Variants in CREBBP observed in about 807,000 individuals in gnomAD.
CREBBP encodes CREB-binding protein.
In CREBBP, 19 loss-of-function variants were observed where a neutral mutation model predicts 265.0. The observed-to-expected ratio is 0.07, with a 90% CI of 0.05 to 0.11. The LOEUF (loss-of-function observed/expected upper bound fraction) is 0.11, where lower values mean the gene tolerates loss of function less well. CREBBP is among the 10% of genes least tolerant of loss of function. The pLI, the probability that CREBBP is intolerant of heterozygous loss-of-function variation, is 1.00. For missense variants in CREBBP, 2,525 were observed against 3,219.0 expected (o/e 0.78, Z 5.22); for synonymous variants, 1,457 against 1,223.7 (o/e 1.19, Z -3.98).
chr16:3,876,376 G>A (rs2055400302), intron 1 of CREBBP, among the ~76,000 whole-genome samples: 2 of 72,144 alleles, frequency 2.8e-5, no homozygotes, highest in South Asian at 5.1e-4. Flanking sequence ...TCTGTTGTGT[G>A]CAAATTTTGC....
chr16:3,861,317 C>T (rs1252211093), intron 1 of CREBBP, among the ~76,000 whole-genome samples: 4 of 152,180 alleles, frequency 2.6e-5, no homozygotes, highest in African/African-American at 9.6e-5. Context: ...GCACCTGCTT[C>T]GCAGGATCGT....
chr16:3,850,178 G>A, intron 2 of CREBBP, 119 bp downstream of exon 2: 2 of 917,164 alleles, frequency 2.2e-6, no homozygotes, highest in South Asian at 1.3e-5. Context: ...AGCATGAGTG[G>A]CACGTGGAGA....
chr16:3,749,536 A>G (rs745817054), intron 21 of CREBBP, 91 bp downstream of exon 21: 50 of 823,976 alleles, frequency 6.1e-5, no homozygotes, highest in Middle Eastern at 4.5e-4. Flanking sequence ...ACATATTTCC[A>G]ATGTTTTTAC....
At chr16:3,783,958 C>T (rs1409332825) in intron 5 of CREBBP, among the ~76,000 whole-genome samples, 1 of 152,232 alleles carries the variant, frequency 6.6e-6, no homozygotes, top group Non-Finnish European at 1.5e-5. Context: ...GCCCCCTCAT[C>T]TGTCGCAACA....
At chr16:3,775,060 G>C (rs2053104773) in intron 11 of CREBBP, among the ~76,000 whole-genome samples, 1 of 152,120 alleles carries the variant, frequency 6.6e-6, no homozygotes, top group Non-Finnish European at 1.5e-5. Context: ...GAGGTGCCCT[G>C]AAAGGACAGC....
intron 5 of CREBBP, among the ~76,000 whole-genome samples, chr16:3,785,781 C>CT (rs889229821): frequency 6.6e-6 from 1 of 152,184 alleles, no homozygotes; most frequent in Non-Finnish European, 1.5e-5. Context: ...ATTTTTACAT[C>CT]TTTTTTCCTC....
At position 3,728,411 on chromosome 16, in the gene CREBBP, C is replaced by CTGT. The variant is rs1555470928; in HGVS notation, c.6633_6635dup (p.Gln2216dup). On this transcript the variant is annotated inframe_insertion, in exon 31 of 31. Transcript: ENST00000262367. The surrounding 1 kb of genome is among the most constrained non-coding windows in gnomAD (Gnocchi z 8.7). ...TGCCGGCACTCCCTTGCTGCTGCTG[C>CTGT]TGTTGCTGCTGTTGTTGCTGCTGCT... 3.7e-6 allele frequency: 6 copies of CTGT among 1,613,164 alleles called. No homozygotes were observed. The South Asian group carries it at 6.6e-5, about 18-fold the overall frequency.
intron 3 of CREBBP, among the ~76,000 whole-genome samples, chr16:3,809,413 T>C (rs2053893665): frequency 6.6e-6 from 1 of 152,004 alleles, no homozygotes; most frequent in African/African-American, 2.4e-5. Context: ...CCTGACCTAG[T>C]GATCCACCCG....
chr16:3,775,924 T>C (rs1431546138), intron 11 of CREBBP, among the ~76,000 whole-genome samples: 4 of 146,168 alleles, frequency 2.7e-5, no homozygotes, highest in Non-Finnish European at 4.5e-5. Context: ...TTTCTTTCTT[T>C]TTTTTTTTTG....
chr16:3,838,130 G>A (rs1285925407), intron 2 of CREBBP, among the ~76,000 whole-genome samples: 3 of 152,070 alleles, frequency 2.0e-5, no homozygotes, highest in African/African-American at 7.2e-5. Flanking sequence ...CTGAGTGTCT[G>A]GTCAGGTGTA....
At position 3,731,640 on chromosome 16, in the gene CREBBP, C is replaced by T; in HGVS notation, c.4890+136G>A. The T allele has an allele frequency of 7.0e-7, 1 of 1,424,168 alleles. No homozygotes were observed. The highest frequency in any genetic ancestry group is 9.9e-7 in the Non-Finnish European group (1 of 1,015,118). 88.2% of individuals were successfully genotyped at this position (1,424,168 alleles called of 1,614,324 possible). A position where few individuals can be genotyped will look rare whatever the true frequency, so the allele number is the denominator to read the frequency against. ...TTGGTGACACGTTGCATGATGTCAC[C>T]CAACTGGTCCACTTGGTTTCCTGGG... On this transcript the variant is annotated intron_variant, in intron 29 of 30. Coordinates refer to ENST00000262367, the MANE Select transcript of CREBBP (RefSeq NM_004380.3). This position sits in a 1 kb window ranked among gnomAD's most constrained non-coding sequence, Gnocchi z 7.7.
At chr16:3,808,156 AG>A (rs550473319) in intron 3 of CREBBP, among the ~76,000 whole-genome samples, 316 of 29,688 alleles carry the variant, frequency 0.011, no homozygotes, top group African/African-American at 0.032. Flanking sequence ...GGATGAAAGA[AG>A]GGGGGGGCAG....
chr16:3,830,479 G>C (rs1177801942), intron 2 of CREBBP, among the ~76,000 whole-genome samples: 2 of 152,042 alleles, frequency 1.3e-5, no homozygotes, highest in Admixed American at 1.3e-4. Flanking sequence ...TGAGAAAAAG[G>C]AGATAAAGAC....
intron 2 of CREBBP, among the ~76,000 whole-genome samples, chr16:3,826,912 C>T (rs566381045): frequency 6.6e-6 from 1 of 152,054 alleles, no homozygotes; most frequent in Admixed American, 6.6e-5. Context: ...AAGAGGCTAA[C>T]AATAGGAAGT....
At chr16:3,766,282 A>G (rs1438511673) in intron 16 of CREBBP, among the ~76,000 whole-genome samples, 1 of 152,220 alleles carries the variant, frequency 6.6e-6, no homozygotes, top group South Asian at 2.1e-4. Flanking sequence ...GTATAGTATC[A>G]AAGAATATCC....
chr16:3,728,075 C>T lies in CREBBP; in HGVS notation c.6972G>A (p.Gln2324=), dbSNP rs996280072. Reference sequence around the variant, plus strand: ...GGCCAGGGAGATGCGAGGCCTGTGGCTGTCCTGAGAGCATGTGTTGCTGGG... The same window carrying T: ...GGCCAGGGAGATGCGAGGCCTGTGGTTGTCCTGAGAGCATGTGTTGCTGGG... ...MSPQQHMLSG[Q]PQASHLPGQQ... is the part of the protein sequence containing the mutation. The change falls in exon 31 of 31, where the codon CAG becomes CAA. Residue 2324 remains glutamine, a synonymous_variant. Coordinates refer to ENST00000262367, the MANE Select transcript of CREBBP (RefSeq NM_004380.3). The surrounding 1 kb of genome is among the most constrained non-coding windows in gnomAD (Gnocchi z 8.7). The T allele has an allele frequency of 8.1e-6, 13 of 1,614,052 alleles. No individual in the cohort carries two copies. Among genetic ancestry groups the T allele is most frequent in the South Asian group, 1.1e-5 (1 of 91,080 alleles).
intron 3 of CREBBP, among the ~76,000 whole-genome samples, chr16:3,803,404 C>T (rs939438002): frequency 3.3e-5 from 5 of 151,598 alleles, no homozygotes; most frequent in African/African-American, 1.2e-4. Flanking sequence ...ACTCGGAAGG[C>T]TGAGGCAGGA....
intron 1 of CREBBP, among the ~76,000 whole-genome samples, chr16:3,870,322 T>C (rs575921437): frequency 1.1e-4 from 16 of 152,288 alleles, no homozygotes; most frequent in Middle Eastern, 3.4e-3. Context: ...TCACTGGTAT[T>C]CCTTTCAACC....
At chr16:3,823,861 G>C (rs2054187549) in intron 2 of CREBBP, among the ~76,000 whole-genome samples, 1 of 152,078 alleles carries the variant, frequency 6.6e-6, no homozygotes, top group South Asian at 2.1e-4. Flanking sequence ...CCAGCAAGGA[G>C]ACCACTAGGC....
Sources: gnomAD v4.1 joint callset for allele counts (sites outside exome capture counted in the v4.1 genomes callset) on GRCh38, gnomAD v4.1.1 for gene constraint, Gnocchi (gnomAD v3.1) non-coding constraint, MANE v1.5 for transcripts, NCBI Gene and HGNC (gene_info 2026-07-23, HGNC 2026-07-21) for gene names.